The following AKR1B1 variants were observed in gnomAD, a reference collection of about 807,000 sequenced individuals.
AKR1B1 encodes the protein aldo-keto reductase family 1 member B.
Under a neutral mutation model 40.4 loss-of-function variants are expected in AKR1B1, and 22 were observed. The ratio of observed to expected loss-of-function variants is 0.54; its 90% CI spans 0.39 to 0.78. The LOEUF is 0.78. AKR1B1 is among the 30% of genes least tolerant of loss of function. AKR1B1 has a pLI of 0.00. For synonymous variants in AKR1B1, 157 were observed against 149.9 expected, an observed-to-expected ratio of 1.05 and a Z score of -0.35; for missense variants, 357 against 396.7, an observed-to-expected ratio of 0.90 and a Z score of 0.85.
Position 134,459,036 on chromosome 7 carries a change from G to A in AKR1B1, c.27C>T (p.Asn9=), listed in dbSNP as rs1437821907. Residue 9 remains asparagine (N), a synonymous_variant, in exon 1 of 10, where the codon AAC becomes AAT. Coordinates refer to ENST00000285930, the MANE Select transcript of AKR1B1 (RefSeq NM_001628.4). MASRLLLN[N]GAKMPILGLG... ...ACCCCAGGATGGGCATCTTGGCGCCGTTGTTGAGCAGGAGACGGCTTGCCA... is the reference window on the plus strand; with the variant it reads ...ACCCCAGGATGGGCATCTTGGCGCCATTGTTGAGCAGGAGACGGCTTGCCA... 1.2e-6 allele frequency: 2 copies of A among 1,608,262 alleles called. No individual in the cohort carries two copies. The highest frequency in any genetic ancestry group is 1.1e-5 in the South Asian group (1 of 89,500).
At chr7:134,454,626 C>T (rs563553877) in intron 1 of AKR1B1, among the ~76,000 whole-genome samples, 17 of 152,238 alleles carry the variant, frequency 1.1e-4, no homozygotes, top group Admixed American at 4.6e-4. Flanking sequence ...ATATTAACCA[C>T]GGGGATCTCT....
intron 1 of AKR1B1, among the ~76,000 whole-genome samples, chr7:134,453,096 C>T (rs1218199781): frequency 6.6e-6 from 1 of 152,204 alleles, no homozygotes; most frequent in Non-Finnish European, 1.5e-5. Context: ...GGCACAACCA[C>T]CACTGATGAC....
At chr7:134,457,331 C>T (rs771389015) in intron 1 of AKR1B1, among the ~76,000 whole-genome samples, 15 of 152,256 alleles carry the variant, frequency 9.9e-5, no homozygotes, top group Non-Finnish European at 1.8e-4. Flanking sequence ...TATATCTGTG[C>T]GTTGCATCAT....
intron 9 of AKR1B1, among the ~76,000 whole-genome samples, chr7:134,444,520 G>T (rs1213732559): frequency 6.6e-6 from 1 of 152,260 alleles, no homozygotes; most frequent in African/African-American, 2.4e-5. Context: ...AAAGGAGAGA[G>T]TGTGGAAACA....
At chr7:134,448,322 G>C in intron 6 of AKR1B1, 65 bp downstream of exon 6, 9 of 1,403,978 alleles carry the variant, frequency 6.4e-6, no homozygotes, top group Non-Finnish European at 8.1e-6. Context: ...AGGCTGAATT[G>C]TTCTTTTTAG....
rs1449861244 is a variant in AKR1B1, at chr7:134,448,060, C to A, written c.661G>T (p.Ala221Ser). The A allele has an allele frequency of 5.0e-6, 8 of 1,610,950 alleles. No individual in the cohort carries two copies. In the African/African-American group the frequency reaches 5.3e-5, roughly 11 times the overall value. Residue 221 changes from alanine to serine, a missense_variant and splice_region_variant, in exon 7 of 10, where the codon GCC (alanine) becomes TCC (serine). Ala to Ser is a moderately conservative substitution (Grantham distance 99). Coordinates refer to ENST00000285930, the MANE Select transcript of AKR1B1 (RefSeq NM_001628.4). ...AGGAGAGAAGGGTCCTCGGGCTTGG[C>A]CCTGAGGATAGAAAGACAGTCCAGG... is the stretch of plus-strand genomic sequence containing the variant. ...SPLGSPDRPW[A>S]KPEDPSLLED...
chr7:134,454,945 A>G (rs1585718092), intron 1 of AKR1B1, among the ~76,000 whole-genome samples: 1 of 152,198 alleles, frequency 6.6e-6, no homozygotes, highest in Non-Finnish European at 1.5e-5. Flanking sequence ...CTGTAGGGGC[A>G]GGGCTTATTT....
chr7:134,447,225 G>A (rs185625624), intron 8 of AKR1B1, 73 bp downstream of exon 8: 1 of 1,314,272 alleles, frequency 7.6e-7, no homozygotes, highest in Non-Finnish European at 1.1e-6. Flanking sequence ...TGACACTCCA[G>A]AGACAGGATG....
chr7:134,454,106 G>A (rs1806389511), intron 1 of AKR1B1, among the ~76,000 whole-genome samples: 1 of 152,210 alleles, frequency 6.6e-6, no homozygotes, highest in Non-Finnish European at 1.5e-5. Flanking sequence ...TGCAGTATAT[G>A]AAACACTCCA....
At chr7:134,459,175 TGC>T, upstream of AKR1B1, 1 of 1,331,274 alleles carries the variant, frequency 7.5e-7, no homozygotes, top group Non-Finnish European at 1.0e-6. Context: ...GGCGCGCCGC[TGC>T]GCGAAGGAGC....
chr7:134,448,823 G>A (rs928038664), intron 5 of AKR1B1, among the ~76,000 whole-genome samples, 174 bp downstream of exon 5: 1 of 152,078 alleles, frequency 6.6e-6, no homozygotes, highest in African/African-American at 2.4e-5. Context: ...TTTCTTTCCT[G>A]TAAGTTTCCT....
chr7:134,452,625 C>A (rs933348233), intron 1 of AKR1B1, among the ~76,000 whole-genome samples: 1 of 152,162 alleles, frequency 6.6e-6, no homozygotes, highest in South Asian at 2.1e-4. Flanking sequence ...GGACACGTAT[C>A]CCCCAACTTT....
chr7:134,445,151 G>A, intron 9 of AKR1B1, 87 bp downstream of exon 9: 1 of 1,169,778 alleles, frequency 8.5e-7, no homozygotes, highest in East Asian at 2.4e-5. Context: ...AGAGCACATT[G>A]GCGCTGAGGC....
intron 1 of AKR1B1, among the ~76,000 whole-genome samples, 179 bp downstream of exon 1, chr7:134,458,818 C>T (rs1806575298): frequency 6.6e-6 from 1 of 152,108 alleles, no homozygotes; most frequent in Non-Finnish European, 1.5e-5. Context: ...GAGCCAAGGC[C>T]CCCGGTCTCT....
chr7:134,447,273 C>A, intron 8 of AKR1B1, 25 bp downstream of exon 8: 1 of 1,604,426 alleles, frequency 6.2e-7, no homozygotes, highest in South Asian at 1.1e-5. Context: ...GGAGGAGGGC[C>A]AGGCCTGACC....
chr7:134,458,602 T>C (rs1433963823), intron 1 of AKR1B1, among the ~76,000 whole-genome samples: 2 of 152,136 alleles, frequency 1.3e-5, no homozygotes, highest in Non-Finnish European at 2.9e-5. Flanking sequence ...TCCACGTCCC[T>C]GTCTGCGCCC....
At chr7:134,448,538 C>T (rs372849081) in intron 5 of AKR1B1, 45 bp from the exon 6 acceptor site, 36 of 1,454,078 alleles carry the variant, frequency 2.5e-5, no homozygotes, top group Admixed American at 3.4e-5. Flanking sequence ...TGTGGCTACA[C>T]GCTGATGGGA....
chr7:134,456,374 T>C (rs2117466722), intron 1 of AKR1B1, among the ~76,000 whole-genome samples: 1 of 152,192 alleles, frequency 6.6e-6, no homozygotes, highest in South Asian at 2.1e-4. Flanking sequence ...TAATTTTTTG[T>C]ATTTTTAGTA....
At chr7:134,451,467 G>T (rs1708432) in intron 2 of AKR1B1, 119 bp downstream of exon 2, 924,076 of 1,291,864 alleles carry the variant, frequency 0.72, 333,944 homozygotes, top group East Asian at 0.98. Context: ...ACGTTTCCCC[G>T]GGAAGAATCG....
Sources: gnomAD v4.1 joint callset for allele counts (sites outside exome capture counted in the v4.1 genomes callset) on GRCh38, gnomAD v4.1.1 for gene constraint, MANE v1.5 for transcripts, NCBI Gene and HGNC (gene_info 2026-07-23, HGNC 2026-07-21) for gene names.